The following CELF5 variants were observed in gnomAD, a reference collection of about 807,000 sequenced individuals.
CELF5 encodes CUGBP Elav-like family member 5, also known as CUG-BP and ETR-3 like factor 5.
A neutral mutation model predicts 54.9 loss-of-function variants in CELF5; 6 were observed. The ratio of observed to expected loss-of-function variants is 0.11; its 90% CI spans 0.06 to 0.22. The LOEUF (loss-of-function observed/expected upper bound fraction) is 0.22, where lower values mean the gene tolerates loss of function less well. Among genes scored for constraint, CELF5 ranks in the 10% least tolerant of loss-of-function variants. The probability of loss-of-function intolerance (pLI) is 1.00; values close to 1 mark genes in which losing one functional copy is unlikely to be tolerated. For missense variants in CELF5, 401 were observed against 678.6 expected, an observed-to-expected ratio of 0.59 and a Z score of 4.54; for synonymous variants, 271 against 290.9, an observed-to-expected ratio of 0.93 and a Z score of 0.70.
chr19:3,264,522 T>C (rs949931375), intron 2 of CELF5, among the ~76,000 whole-genome samples: 3 of 151,644 alleles, frequency 2.0e-5, no homozygotes, highest in Non-Finnish European at 4.4e-5. Context: ...TTCACGCTAT[T>C]CTCCTGCCTC....
intron 10 of CELF5, among the ~76,000 whole-genome samples, chr19:3,288,127 T>C (rs1196016418): frequency 6.6e-6 from 1 of 152,204 alleles, no homozygotes; most frequent in Non-Finnish European, 1.5e-5. Context: ...TTTTCAGCGG[T>C]CGCCCACAGT....
Position 3,281,262 on chromosome 19 carries a change from A to G in CELF5, c.667A>G (p.Met223Val). ...GGACAAGGAGCGGACGCTCCGGCGC[A>G]TGCAGCAGATGGTGGGCCAGCTGGG... is the stretch of plus-strand genomic sequence containing the variant. The part of the protein sequence containing the change: ...DTDKERTLRR[M>V]QQMVGQLGIL... Residue 223 changes from methionine to valine, a missense_variant, in exon 6 of 13, where the codon ATG (methionine) becomes GTG (valine). Met to Val is a conservative substitution (Grantham distance 21). Transcript: ENST00000292672. The surrounding 1 kb of genome is among the most constrained non-coding windows in gnomAD (Gnocchi z 6.5). 2 of 1,611,560 alleles carry G rather than the reference A, an allele frequency of 1.2e-6. No homozygotes were observed. The highest frequency in any genetic ancestry group is 1.7e-6 in the Non-Finnish European group (2 of 1,179,912).
intron 2 of CELF5, among the ~76,000 whole-genome samples, chr19:3,264,887 G>A (rs1222148190): frequency 1.3e-5 from 2 of 151,758 alleles, no homozygotes; most frequent in Non-Finnish European, 2.9e-5. Flanking sequence ...CTAATTTTTT[G>A]TATTTTTAAT....
chr19:3,292,302 TG>T (rs1260681518), intron 11 of CELF5, among the ~76,000 whole-genome samples: 1 of 105,232 alleles, frequency 9.5e-6, no homozygotes, highest in Non-Finnish European at 2.4e-5. Flanking sequence ...CCCTTGACTT[TG>T]TTTTTTTTTT....
At chr19:3,238,757 C>A (rs2079451126) in intron 1 of CELF5, among the ~76,000 whole-genome samples, 1 of 152,082 alleles carries the variant, frequency 6.6e-6, no homozygotes, top group Non-Finnish European at 1.5e-5. Context: ...CATGACGAAA[C>A]CCTGTCTCTA....
At chr19:3,257,882 G>A (rs1385375737) in intron 2 of CELF5, among the ~76,000 whole-genome samples, 3 of 150,732 alleles carry the variant, frequency 2.0e-5, no homozygotes, top group Non-Finnish European at 2.9e-5. Flanking sequence ...GCAGTGGTGC[G>A]ATCATAGCTC....
At chr19:3,265,293 G>T (rs1202737475) in intron 2 of CELF5, among the ~76,000 whole-genome samples, 1 of 152,200 alleles carries the variant, frequency 6.6e-6, no homozygotes, top group East Asian at 1.9e-4. Flanking sequence ...AGCTATTGAT[G>T]CAAAGCAGAC....
Position 3,224,720 on chromosome 19 carries a change from G to A in CELF5, c.-20G>A, listed in dbSNP as rs956866070. On this transcript the variant is annotated 5_prime_UTR_variant, in exon 1 of 13. Transcript: ENST00000292672. The stretch of plus-strand genomic sequence containing the variant: ...CCCGCCGCCCGCCGCCGCCGCCGCC[G>A]GCTCGGTCCCGCGCCCGCCATGGCC... The A allele has an allele frequency of 2.4e-5, 26 of 1,091,880 alleles. No individual in the cohort carries two copies. The highest frequency in any genetic ancestry group is 2.8e-5 in the Non-Finnish European group (25 of 892,776). The allele number at this position is 1,091,880 out of a possible 1,614,324, so 67.6% of individuals were successfully genotyped here.
At chr19:3,273,821 G>A (rs765156314) in intron 2 of CELF5, 51 bp from the exon 3 acceptor site, 55 of 937,576 alleles carry the variant, frequency 5.9e-5, no homozygotes, top group Middle Eastern at 2.2e-4. Flanking sequence ...CCCCCCGCCT[G>A]CCACACCCCC....
At position 3,287,029 on chromosome 19, in the gene CELF5, C is replaced by T. The variant is rs113402511; in HGVS notation, c.1186+1004C>T. ...CAGCCTGGGCGACAGAGCAAGACTC[C>T]GTCTCAAAAAAAAAAAAAAAAAAAG... On this transcript the variant is annotated intron_variant, in intron 10 of 12. Coordinates refer to ENST00000292672, the MANE Select transcript of CELF5 (RefSeq NM_021938.4). Among the ~76,000 whole-genome samples, 381 of 102,794 alleles carry T rather than the reference C, an allele frequency of 3.7e-3. 1 individual carries two copies. Among genetic ancestry groups the T allele is most frequent in the African/African-American group, 0.013 (365 of 28,182 alleles). 67.4% of individuals were successfully genotyped at this position (102,794 alleles called of 152,430 possible). A position where few individuals can be genotyped will look rare whatever the true frequency, so the allele number is the denominator to read the frequency against.
rs140590620 is a variant in CELF5, at chr19:3,282,873, C to T, written c.1039+375C>T. 2.6e-4 allele frequency among the ~76,000 whole-genome samples: 40 copies of T among 152,348 alleles called. No homozygotes were observed. Among genetic ancestry groups the T allele is most frequent in the African/African-American group, 9.4e-4 (39 of 41,580 alleles). On this transcript the variant is annotated intron_variant, in intron 8 of 12. Transcript: ENST00000292672. The surrounding 1 kb of genome is among the most constrained non-coding windows in gnomAD (Gnocchi z 5.2). ...TCACACAGGGTCTCACTCTGTCGCC[C>T]AGGCTGCATTGCAGTGGCACAATCT...
chr19:3,283,880 T>C (rs1190108002), intron 8 of CELF5, among the ~76,000 whole-genome samples: 2 of 152,010 alleles, frequency 1.3e-5, no homozygotes, highest in Non-Finnish European at 2.9e-5. Context: ...TGGAGTGCAG[T>C]GGCGTGATCA....
At chr19:3,270,464 T>TG (rs2079942454) in intron 2 of CELF5, 1 of 148,026 alleles carries the variant, frequency 6.8e-6, no homozygotes, top group African/African-American at 2.5e-5. Flanking sequence ...GGGTGGGGTG[T>TG]GGGGAGACCC....
intron 8 of CELF5, among the ~76,000 whole-genome samples, chr19:3,284,603 G>T (rs1350302256): frequency 1.3e-5 from 2 of 152,076 alleles, no homozygotes; most frequent in Admixed American, 6.6e-5. Context: ...AGGAGTGAAG[G>T]GTCCCCCTTG....
At chr19:3,283,487 A>T (rs1310037905) in intron 8 of CELF5, among the ~76,000 whole-genome samples, 1 of 151,956 alleles carries the variant, frequency 6.6e-6, no homozygotes, top group Non-Finnish European at 1.5e-5. Context: ...TGTAGCTGGG[A>T]CTACAAGCAT....
At chr19:3,259,188 G>C (rs2079773322) in intron 2 of CELF5, among the ~76,000 whole-genome samples, 1 of 152,200 alleles carries the variant, frequency 6.6e-6, no homozygotes, top group Non-Finnish European at 1.5e-5. Flanking sequence ...CCAGTGTGCT[G>C]TTGAGTGGCA....
rs1330139737 is a variant in CELF5, at chr19:3,296,875, T to G, written c.*158T>G. 6.6e-6 allele frequency: 1 copy of G among 152,158 alleles called. No individual in the cohort carries two copies. The highest frequency in any genetic ancestry group is 1.9e-4 in the East Asian group (1 of 5,208). 9.4% of individuals were successfully genotyped at this position (152,158 alleles called of 1,614,324 possible). ...ACACACAGAAGAGAAAGCAAAGAAC[T>G]TGGAACTTTGGGTTGACTCGGTTTG... is the stretch of plus-strand genomic sequence containing the variant. On this transcript the variant is annotated 3_prime_UTR_variant, in exon 13 of 13. Transcript: ENST00000292672.
At chr19:3,292,908 CA>C (rs918785328) in intron 11 of CELF5, among the ~76,000 whole-genome samples, 4 of 151,140 alleles carry the variant, frequency 2.6e-5, no homozygotes, top group Non-Finnish European at 5.9e-5. Flanking sequence ...CTCCCTTCTG[CA>C]AAAAAAAGAG....
chr19:3,245,037 A>G (rs987798324), intron 1 of CELF5, among the ~76,000 whole-genome samples: 2 of 132,906 alleles, frequency 1.5e-5, no homozygotes, highest in Admixed American at 1.6e-4. Context: ...GTGTGCATGC[A>G]TCTTGTCCAC....
Sources: gnomAD v4.1 joint callset for allele counts (sites outside exome capture counted in the v4.1 genomes callset) on GRCh38, gnomAD v4.1.1 for gene constraint, Gnocchi (gnomAD v3.1) non-coding constraint, MANE v1.5 for transcripts, NCBI Gene and HGNC (gene_info 2026-07-23, HGNC 2026-07-21) for gene names.